The following WDPCP variants were observed in gnomAD, a reference collection of about 807,000 sequenced individuals.
The protein encoded by WDPCP is WD repeat-containing and planar cell polarity effector protein fritz homolog.
Under a neutral mutation model 93.1 loss-of-function variants are expected in WDPCP, and 71 were observed. That is an observed-to-expected ratio of 0.76 (90% CI 0.63 to 0.93). The LOEUF (loss-of-function observed/expected upper bound fraction) is 0.93, where lower values mean the gene tolerates loss of function less well. Among genes scored for constraint, WDPCP ranks in the 40% least tolerant of loss-of-function variants. The pLI, the probability that WDPCP is intolerant of heterozygous loss-of-function variation, is 0.00. For synonymous variants in WDPCP, 315 were observed against 315.0 expected (o/e 1.00, Z 0.00); for missense variants, 844 against 887.4 (o/e 0.95, Z 0.62).
intron 1 of WDPCP, among the ~76,000 whole-genome samples, chr2:63,824,919 A>G (rs1671089645): frequency 6.6e-6 from 1 of 152,172 alleles, no homozygotes; most frequent in African/African-American, 2.4e-5. Flanking sequence ...ATTTTACAAT[A>G]TAACAGTTAA....
At chr2:63,328,662 C>T (rs969486846) in intron 12 of WDPCP, among the ~76,000 whole-genome samples, 6 of 152,198 alleles carry the variant, frequency 3.9e-5, no homozygotes, top group South Asian at 2.1e-4. Flanking sequence ...CAATTCCAGA[C>T]ACATTACCAC....
chr2:63,474,260 T>A (rs990019805), intron 6 of WDPCP, among the ~76,000 whole-genome samples: 11 of 152,114 alleles, frequency 7.2e-5, no homozygotes, highest in Non-Finnish European at 1.5e-4. Context: ...GTGCATTTTT[T>A]AATAATTTTA....
At chr2:63,681,523 A>G (rs1351140232) in intron 2 of WDPCP, among the ~76,000 whole-genome samples, 1 of 152,180 alleles carries the variant, frequency 6.6e-6, no homozygotes, top group South Asian at 2.1e-4. Flanking sequence ...GCTCAGCTGC[A>G]AACAATGGAA....
intron 13 of WDPCP, among the ~76,000 whole-genome samples, chr2:63,271,448 C>T (rs987069360): frequency 1.3e-5 from 2 of 152,152 alleles, no homozygotes; most frequent in African/African-American, 4.8e-5. Flanking sequence ...GCTTATCTGG[C>T]CACCACTGCT....
intron 2 of WDPCP, among the ~76,000 whole-genome samples, chr2:63,490,177 T>C (rs943392151): frequency 4.7e-5 from 7 of 149,158 alleles, no homozygotes; most frequent in African/African-American, 1.7e-4. Flanking sequence ...AACAATGCAA[T>C]ATGTTACTGT....
chr2:63,395,114 T>C (rs1340842512), intron 10 of WDPCP, among the ~76,000 whole-genome samples: 1 of 152,122 alleles, frequency 6.6e-6, no homozygotes, highest in African/African-American at 2.4e-5. Flanking sequence ...AAATACATAC[T>C]AACGTTGAAG....
chr2:63,481,752 G>T (rs549271115), intron 6 of WDPCP, among the ~76,000 whole-genome samples: 1 of 151,576 alleles, frequency 6.6e-6, no homozygotes, highest in South Asian at 2.1e-4. Context: ...AAGGGTGGGA[G>T]GGGGGTGAGG....
At chr2:63,529,910 T>A (rs1250264947) in intron 1 of WDPCP, among the ~76,000 whole-genome samples, 7 of 152,216 alleles carry the variant, frequency 4.6e-5, no homozygotes, top group African/African-American at 1.7e-4. Context: ...ATTCAACTTC[T>A]TCCTGGTTTA....
At chr2:63,840,258 A>G in the WDPCP span, among the ~76,000 whole-genome samples, 1 of 152,348 alleles carries the variant, frequency 6.6e-6, no homozygotes, top group South Asian at 2.1e-4. Flanking sequence ...TGATTTGACA[A>G]GCCGTGGGCT....
At chr2:63,265,330 A>G (rs1464783967) in intron 13 of WDPCP, among the ~76,000 whole-genome samples, 2 of 152,146 alleles carry the variant, frequency 1.3e-5, no homozygotes, top group African/African-American at 4.8e-5. Flanking sequence ...TCAGAAATGA[A>G]AGAGGAGACA....
intron 2 of WDPCP, among the ~76,000 whole-genome samples, chr2:63,671,545 A>C: frequency 6.6e-6 from 1 of 151,746 alleles, no homozygotes; most frequent in Non-Finnish European, 1.5e-5. Context: ...TCCCCCTAAT[A>C]TAACCTTTGC....
chr2:63,786,730 C>T (rs1279572217), intron 2 of WDPCP, among the ~76,000 whole-genome samples: 1 of 152,090 alleles, frequency 6.6e-6, no homozygotes, highest in African/African-American at 2.4e-5. Context: ...CAGAAACAGA[C>T]TGCAAAAAAT....
At position 63,147,537 on chromosome 2, in the gene WDPCP, A is replaced by G. The variant is rs149554877; in HGVS notation, c.2190+5377T>C. 7.9e-3 allele frequency among the ~76,000 whole-genome samples: 1,199 copies of G among 152,282 alleles called. 6 individuals carry two copies. Among genetic ancestry groups the G allele is most frequent in the Non-Finnish European group, 0.013 (867 of 68,024 alleles). ...TAGTTTAAGACATCTTATGTTTTGG[A>G]TATTATCTAGTCAAAGACTTCTTTA... On this transcript the variant is annotated intron_variant, in intron 17 of 17. Transcript: ENST00000272321.
At chr2:63,829,493 G>C (rs1263810088), upstream of WDPCP, among the ~76,000 whole-genome samples, 1 of 152,032 alleles carries the variant, frequency 6.6e-6, no homozygotes, top group African/African-American at 2.4e-5. Flanking sequence ...TGAGAATTTA[G>C]CTCAGTTCCA....
intron 1 of WDPCP, among the ~76,000 whole-genome samples, chr2:63,587,381 A>G (rs750775530): frequency 9.9e-5 from 15 of 152,220 alleles, no homozygotes; most frequent in Non-Finnish European, 2.1e-4. Context: ...CTGAGAGCCA[A>G]ATGAATAAAG....
chr2:63,459,509 T>A (rs2105737102), intron 6 of WDPCP, among the ~76,000 whole-genome samples: 1 of 152,278 alleles, frequency 6.6e-6, no homozygotes, highest in South Asian at 2.1e-4. Context: ...TGGCTATTAT[T>A]TAAAAGACAA....
At chr2:63,428,358 C>G (rs1254207421) in intron 9 of WDPCP, among the ~76,000 whole-genome samples, 2 of 152,126 alleles carry the variant, frequency 1.3e-5, no homozygotes, top group Non-Finnish European at 2.9e-5. Flanking sequence ...AAAACCAAAT[C>G]CAGCAGTACA....
chr2:63,608,861 A>C (rs1318497184), intron 3 of WDPCP, among the ~76,000 whole-genome samples: 1 of 152,222 alleles, frequency 6.6e-6, no homozygotes, highest in Non-Finnish European at 1.5e-5. Context: ...GAAAAGAAAA[A>C]GCAAGTTGAG....
intron 17 of WDPCP, among the ~76,000 whole-genome samples, chr2:63,147,001 AG>A (rs372765776): frequency 6.6e-6 from 1 of 152,344 alleles, no homozygotes; most frequent in African/African-American, 2.4e-5. Context: ...AAGCCTGCAT[AG>A]GTCTAGTTTG....
Sources: allele counts gnomAD v4.1 joint callset (sites outside exome capture counted in the v4.1 genomes callset), GRCh38; gene constraint gnomAD v4.1.1; transcripts MANE v1.5; gene names NCBI Gene and HGNC (gene_info 2026-07-23, HGNC 2026-07-21).